The following SCFD2 variants were observed in gnomAD, a reference collection of about 807,000 sequenced individuals.
SCFD2 encodes sec1 family domain containing 2.
SCFD2 carries 54 observed loss-of-function variants against 58.9 expected under a neutral mutation model. The observed-to-expected ratio is 0.92, with a 90% confidence interval of 0.74 to 1.15. The LOEUF is 1.15. SCFD2 is among the 50% of genes most tolerant of loss of function. The pLI, the probability that SCFD2 is intolerant of heterozygous loss-of-function variation, is 0.00. For synonymous variants in SCFD2, 321 were observed against 335.9 expected (o/e 0.96, Z 0.49); for missense variants, 805 against 836.6 (o/e 0.96, Z 0.47).
intron 5 of SCFD2, among the ~76,000 whole-genome samples, chr4:52,958,442 T>A (rs1177366570): frequency 6.6e-6 from 1 of 152,210 alleles, no homozygotes; most frequent in Non-Finnish European, 1.5e-5. Context: ...CCGGACAAGA[T>A]GTTTTCTGAC....
chr4:53,004,041 A>G (rs960075435), intron 5 of SCFD2, among the ~76,000 whole-genome samples: 2 of 152,264 alleles, frequency 1.3e-5, no homozygotes, highest in East Asian at 1.9e-4. Context: ...ATGCTCTTCA[A>G]AATGAATGCT....
chr4:53,156,541 C>A (rs1480092374), intron 4 of SCFD2, among the ~76,000 whole-genome samples: 1 of 151,476 alleles, frequency 6.6e-6, no homozygotes, highest in Non-Finnish European at 1.5e-5. Context: ...ACTAAAAATA[C>A]AAAAAAATTA....
At chr4:53,138,685 GAAT>G (rs1359811166) in intron 5 of SCFD2, among the ~76,000 whole-genome samples, 3 of 152,132 alleles carry the variant, frequency 2.0e-5, no homozygotes, top group Non-Finnish European at 4.4e-5. Context: ...AAAGTGAACA[GAAT>G]AAAAGTAAAA....
intron 5 of SCFD2, among the ~76,000 whole-genome samples, chr4:52,998,311 C>T (rs550026579): frequency 5.3e-5 from 8 of 152,250 alleles, no homozygotes; most frequent in South Asian, 2.1e-4. Context: ...CCACTGACCT[C>T]GCAGGAGATA....
At chr4:52,894,853 T>C (rs1245830134) in intron 7 of SCFD2, among the ~76,000 whole-genome samples, 1 of 152,240 alleles carries the variant, frequency 6.6e-6, no homozygotes, top group Non-Finnish European at 1.5e-5. Context: ...TGGGACTTGA[T>C]GGAGCAAACT....
rs569600672 is a variant in SCFD2, at chr4:52,942,938, G to A, written c.1562-22068C>T. Among the ~76,000 whole-genome samples the A allele has an allele frequency of 4.8e-4, 71 of 148,686 alleles. 1 individual carries two copies. Among genetic ancestry groups the A allele is most frequent in the Middle Eastern group, 3.5e-3 (1 of 288 alleles). On this transcript the variant is annotated intron_variant, in intron 5 of 8. Coordinates refer to ENST00000401642, the MANE Select transcript of SCFD2 (RefSeq NM_152540.4). ...GACCTATATAAATCTGCCATGGAAA[G>A]TAAAAGCAAAAAAAAAAAAAGTCAT...
chr4:53,139,684 G>A (rs1212165145), intron 5 of SCFD2, among the ~76,000 whole-genome samples: 3 of 152,198 alleles, frequency 2.0e-5, no homozygotes, highest in Non-Finnish European at 4.4e-5. Flanking sequence ...CCTCTGCCCG[G>A]CCGCCACCCC....
chr4:52,953,526 C>T lies in SCFD2; in HGVS notation c.1562-32656G>A, dbSNP rs544683517. Among the ~76,000 whole-genome samples, 20 of 152,188 alleles carry T rather than the reference C, an allele frequency of 1.3e-4. 1 individual carries two copies. Among genetic ancestry groups the T allele is most frequent in the East Asian group, 1.2e-3 (6 of 5,178 alleles). On this transcript the variant is annotated intron_variant, in intron 5 of 8. Coordinates refer to ENST00000401642, the MANE Select transcript of SCFD2 (RefSeq NM_152540.4). The stretch of plus-strand genomic sequence containing the variant: ...GATCGCTCTCTAAAGTCATGCAGCC[C>T]CTGAAGGTGGTGTCAAGGGGAGTCA...
At chr4:53,005,306 G>A (rs966520400) in intron 5 of SCFD2, among the ~76,000 whole-genome samples, 2 of 152,178 alleles carry the variant, frequency 1.3e-5, no homozygotes, top group African/African-American at 4.8e-5. Context: ...CCATAAAGTT[G>A]CAAGGAGAGT....
rs75023327 is a variant in SCFD2 at position 53,280,190 on chromosome 4, G to T, written c.1136-6189C>A. ...TCAGATTTGATTTAATGGCAAAACT[G>T]TTATGATGGGAAAGAGCAACCATCA... On this transcript the variant is annotated intron_variant, in intron 3 of 8. Transcript: ENST00000401642. Among the ~76,000 whole-genome samples, 81 of 152,258 alleles carry T rather than the reference G, an allele frequency of 5.3e-4. 1 individual carries two copies. The East Asian group carries it at 0.014, about 26-fold the overall frequency.
At chr4:52,921,826 G>T (rs1719743832) in intron 5 of SCFD2, among the ~76,000 whole-genome samples, 1 of 152,176 alleles carries the variant, frequency 6.6e-6, no homozygotes, top group Admixed American at 6.5e-5. Flanking sequence ...GCCTCTTCTT[G>T]TCTAAGGGCT....
chr4:53,280,006 C>T (rs1208394562), intron 3 of SCFD2, among the ~76,000 whole-genome samples: 1 of 152,196 alleles, frequency 6.6e-6, no homozygotes, highest in African/African-American at 2.4e-5. Context: ...GGACACAAAG[C>T]CTAACCACAT....
At chr4:52,952,020 G>T (rs959459913) in intron 5 of SCFD2, among the ~76,000 whole-genome samples, 1 of 152,262 alleles carries the variant, frequency 6.6e-6, no homozygotes, top group East Asian at 1.9e-4. Context: ...TAAGAACGAA[G>T]AGATGATGGA....
chr4:52,914,063 A>G (rs1441867121), intron 6 of SCFD2, among the ~76,000 whole-genome samples: 2 of 152,232 alleles, frequency 1.3e-5, no homozygotes, highest in African/African-American at 4.8e-5. Context: ...TGTAGGTAAA[A>G]GATTATTAAA....
intron 4 of SCFD2, among the ~76,000 whole-genome samples, chr4:53,152,208 G>A (rs1577781067): frequency 6.8e-6 from 1 of 147,722 alleles, no homozygotes; most frequent in African/African-American, 2.6e-5. Flanking sequence ...CAAAGAATCA[G>A]TACAAAGTAT....
At chr4:53,362,789 G>T (rs1303894950) in intron 1 of SCFD2, among the ~76,000 whole-genome samples, 1 of 152,114 alleles carries the variant, frequency 6.6e-6, no homozygotes. Flanking sequence ...ATCTAAGAAA[G>T]GGAGAGGGTA....
At chr4:53,037,971 A>G (rs747419122) in intron 5 of SCFD2, among the ~76,000 whole-genome samples, 1 of 152,158 alleles carries the variant, frequency 6.6e-6, no homozygotes, top group Non-Finnish European at 1.5e-5. Context: ...TGCTTGGAAC[A>G]TGACACTTCA....
At chr4:53,006,824 T>C (rs1267385018) in intron 5 of SCFD2, among the ~76,000 whole-genome samples, 4 of 152,004 alleles carry the variant, frequency 2.6e-5, no homozygotes, top group Non-Finnish European at 5.9e-5. Flanking sequence ...GGAAGGAGCA[T>C]GGATTCAGGA....
At chr4:53,208,101 T>C (rs1382415900) in intron 4 of SCFD2, among the ~76,000 whole-genome samples, 1 of 151,720 alleles carries the variant, frequency 6.6e-6, no homozygotes, top group Non-Finnish European at 1.5e-5. Context: ...GGACTACAGG[T>C]GTGCACCAAC....
Sources: gnomAD v4.1 joint callset for allele counts (sites outside exome capture counted in the v4.1 genomes callset) on GRCh38, gnomAD v4.1.1 for gene constraint, MANE v1.5 for transcripts, NCBI Gene and HGNC (gene_info 2026-07-23, HGNC 2026-07-21) for gene names.